The following KCNK2 variants were observed in gnomAD, a reference collection of about 807,000 sequenced individuals.
KCNK2 encodes potassium two pore domain channel subfamily K member 2.
KCNK2 carries 21 observed loss-of-function variants against 40.5 expected under a neutral mutation model. The observed-to-expected ratio is 0.52, with a 90% CI of 0.37 to 0.75. The LOEUF is 0.75. Among genes scored for constraint, KCNK2 ranks in the 30% least tolerant of loss-of-function variants. KCNK2 has a pLI of 0.00. For missense variants in KCNK2, 399 were observed against 531.6 expected, an observed-to-expected ratio of 0.75 and a Z score of 2.45; for synonymous variants, 191 against 202.2, an observed-to-expected ratio of 0.94 and a Z score of 0.47.
At chr1:215,007,037 A>ATG (rs1214318973) in intron 1 of KCNK2, among the ~76,000 whole-genome samples, 50 of 51,574 alleles carry the variant, frequency 9.7e-4, no homozygotes, top group African/African-American at 2.9e-3. Flanking sequence ...ATATATATAT[A>ATG]TGTGTGTGTG....
At chr1:215,171,698 C>T (rs1419200842) in intron 4 of KCNK2, among the ~76,000 whole-genome samples, 1 of 151,916 alleles carries the variant, frequency 6.6e-6, no homozygotes, top group Non-Finnish European at 1.5e-5. Context: ...ATGTAATTTA[C>T]CCTTTCAAAA....
At chr1:215,213,594 A>C (rs1187433456) in intron 6 of KCNK2, among the ~76,000 whole-genome samples, 1 of 152,192 alleles carries the variant, frequency 6.6e-6, no homozygotes, top group Non-Finnish European at 1.5e-5. Context: ...CTGGGTGACA[A>C]GAGCAAAACT....
chr1:215,131,247 A>G (rs929206456), intron 3 of KCNK2, among the ~76,000 whole-genome samples: 3 of 151,210 alleles, frequency 2.0e-5, no homozygotes, highest in Admixed American at 6.6e-5. Context: ...GGACAACTGT[A>G]TTCTATTTCA....
chr1:215,017,564 A>G (rs1287093289), intron 1 of KCNK2, among the ~76,000 whole-genome samples: 2 of 152,152 alleles, frequency 1.3e-5, no homozygotes, highest in Non-Finnish European at 2.9e-5. Context: ...AGAAAATAGA[A>G]TGGTGGTTAC....
chr1:215,184,472 C>T lies in KCNK2; in HGVS notation c.824-10481C>T, dbSNP rs114786557. 8.2e-3 allele frequency among the ~76,000 whole-genome samples: 1,252 copies of T among 152,178 alleles called. 8 individuals are homozygous for T. The highest frequency in any genetic ancestry group is 0.011 in the Non-Finnish European group (769 of 68,002). On this transcript the variant is annotated intron_variant, in intron 5 of 6. Transcript: ENST00000444842. ...ATGTGTTTGTATTAGTCCATTCTCA[C>T]GCTGCTAATAAAGACATACCTGAGA...
chr1:215,154,818 C>A (rs770774427), intron 3 of KCNK2, among the ~76,000 whole-genome samples: 1 of 152,136 alleles, frequency 6.6e-6, no homozygotes, highest in Non-Finnish European at 1.5e-5. Flanking sequence ...GTTTTCCCAG[C>A]ACCATCTATT....
chr1:215,178,576 A>G (rs1047565563), intron 5 of KCNK2, among the ~76,000 whole-genome samples: 2 of 152,108 alleles, frequency 1.3e-5, no homozygotes, highest in African/African-American at 4.8e-5. Flanking sequence ...AAGGGATGTT[A>G]TATTTTATTA....
In KCNK2 at chr1:215,083,194, T is replaced by TTCCCCCCCCCCCCCCCC; in HGVS notation, c.-192_-191insTCCCCCCCCCCCCCCCC. 1 of 501,814 alleles carries TTCCCCCCCCCCCCCCCC rather than the reference T, an allele frequency of 2.0e-6. No homozygotes were observed. The highest frequency in any genetic ancestry group is 3.3e-6 in the Non-Finnish European group (1 of 301,554). 31.1% of individuals were successfully genotyped at this position (501,814 alleles called of 1,614,324 possible). On this transcript the variant is annotated 5_prime_UTR_variant, in exon 1 of 7. Transcript: ENST00000444842. ...CCCGCGATTTCGTTTCTTCTCACGC[T>TTCCCCCCCCCCCCCCCC]CCCCCCCCCGCCCCCTCCCGCGTCC...
intron 2 of KCNK2, among the ~76,000 whole-genome samples, chr1:215,113,812 T>C (rs940887610): frequency 1.3e-5 from 2 of 152,146 alleles, no homozygotes; most frequent in Non-Finnish European, 1.5e-5. Context: ...ACCATGCTGG[T>C]CTTGAACACC....
intron 1 of KCNK2, among the ~76,000 whole-genome samples, chr1:215,062,533 G>A (rs1162725725): frequency 6.6e-6 from 1 of 150,816 alleles, no homozygotes; most frequent in African/African-American, 2.4e-5. Context: ...GGATGAACAT[G>A]GAAACAAGAA....
intron 5 of KCNK2, among the ~76,000 whole-genome samples, 169 bp from the exon 6 acceptor site, chr1:215,194,784 C>T (rs1023135993): frequency 5.9e-5 from 9 of 151,920 alleles, no homozygotes; most frequent in Non-Finnish European, 8.8e-5. Context: ...GTAAGAATTA[C>T]GAGTGAAAAG....
intron 2 of KCNK2, among the ~76,000 whole-genome samples, chr1:215,090,642 T>C (rs984903007): frequency 1.3e-5 from 2 of 152,218 alleles, no homozygotes; most frequent in Non-Finnish European, 2.9e-5. Flanking sequence ...TCTGTGTTAG[T>C]TGAATCAATT....
intron 1 of KCNK2, among the ~76,000 whole-genome samples, chr1:215,031,432 A>G (rs1657185114): frequency 6.6e-6 from 1 of 152,190 alleles, no homozygotes; most frequent in Non-Finnish European, 1.5e-5. Context: ...TAGAGATCTC[A>G]TACCATTTTT....
chr1:215,207,512 T>C (rs1008199947), intron 6 of KCNK2, among the ~76,000 whole-genome samples: 22 of 152,346 alleles, frequency 1.4e-4, no homozygotes, highest in African/African-American at 5.1e-4. Flanking sequence ...TGTCTTAGTC[T>C]GAAGCACATG....
intron 1 of KCNK2, among the ~76,000 whole-genome samples, chr1:215,032,243 A>C (rs982621404): frequency 6.6e-6 from 1 of 151,816 alleles, no homozygotes; most frequent in Non-Finnish European, 1.5e-5. Flanking sequence ...CCCTGTGTCT[A>C]CAAAAAATGT....
At chr1:215,016,693 A>G (rs1389238127) in intron 1 of KCNK2, among the ~76,000 whole-genome samples, 1 of 152,180 alleles carries the variant, frequency 6.6e-6, no homozygotes, top group Non-Finnish European at 1.5e-5. Context: ...GGTCTGGACA[A>G]TGTTTTGTAT....
chr1:215,058,949 T>G (rs1331019366), intron 1 of KCNK2, among the ~76,000 whole-genome samples: 35 of 152,258 alleles, frequency 2.3e-4, no homozygotes, highest in Non-Finnish European at 5.9e-5. Flanking sequence ...ACTCAGTCTT[T>G]TGAGTCACAG....
intron 4 of KCNK2, among the ~76,000 whole-genome samples, chr1:215,171,149 C>T (rs1475617701): frequency 1.3e-5 from 2 of 152,006 alleles, no homozygotes; most frequent in East Asian, 3.9e-4. Flanking sequence ...TAGGACAGAT[C>T]CAGTCAGATT....
intron 3 of KCNK2, among the ~76,000 whole-genome samples, chr1:215,158,579 A>G (rs890897037): frequency 1.3e-5 from 2 of 152,188 alleles, no homozygotes; most frequent in African/African-American, 2.4e-5. Flanking sequence ...CCAAAGTTGT[A>G]TCTTTTATTT....
Sources: gnomAD v4.1 joint callset for allele counts (sites outside exome capture counted in the v4.1 genomes callset) on GRCh38, gnomAD v4.1.1 for gene constraint, MANE v1.5 for transcripts, NCBI Gene and HGNC (gene_info 2026-07-23, HGNC 2026-07-21) for gene names.